The following CEACAM18 variants were observed in gnomAD, a reference collection of about 807,000 sequenced individuals.
CEACAM18 encodes the protein CEA cell adhesion molecule 18.
A neutral mutation model predicts 34.3 loss-of-function variants in CEACAM18; 33 were observed. The ratio of observed to expected loss-of-function variants is 0.96; its 90% CI spans 0.73 to 1.29. The LOEUF (loss-of-function observed/expected upper bound fraction) is 1.29. Ranked by LOEUF, CEACAM18 falls within the 50% of genes most tolerant of loss-of-function variation. CEACAM18 has a pLI of 0.00. For synonymous variants in CEACAM18, 169 were observed against 180.9 expected, an observed-to-expected ratio of 0.93 and a Z score of 0.53; for missense variants, 474 against 485.0, an observed-to-expected ratio of 0.98 and a Z score of 0.21.
chr19:51,480,085 T>A (rs1989883192), intron 1 of CEACAM18, among the ~76,000 whole-genome samples: 1 of 151,964 alleles, frequency 6.6e-6, no homozygotes, highest in Non-Finnish European at 1.5e-5. Flanking sequence ...GATGTGAGGA[T>A]GGATTGGAGG....
In CEACAM18 at chr19:51,478,708, G is replaced by A. The variant is rs369131341; in HGVS notation, c.52+14G>A. On this transcript the variant is annotated intron_variant, in intron 1 of 5. Coordinates refer to ENST00000396477, the Ensembl canonical transcript of CEACAM18. The stretch of plus-strand genomic sequence containing the variant: ...TCTTCCTCATGGGTAAGAGATGCTG[G>A]ATGCTGGATGAGCTTCCCAGGACTG... 138 of 1,433,484 alleles carry A rather than the reference G, an allele frequency of 9.6e-5. No individual in the cohort carries two copies. In the South Asian group the frequency reaches 2.0e-3, roughly 20 times the overall value. 88.8% of individuals were successfully genotyped at this position (1,433,484 alleles called of 1,614,324 possible).
At chr19:51,482,013 C>A (rs531451485) in intron 3 of CEACAM18, among the ~76,000 whole-genome samples, 1 of 152,162 alleles carries the variant, frequency 6.6e-6, no homozygotes, top group African/African-American at 2.4e-5. Context: ...AGTTTTCAAG[C>A]CCCTTGAGCC....
exon 6 of CEACAM18, chr19:51,490,824 T>G (rs113018408): frequency 5.0e-6 from 2 of 397,224 alleles, no homozygotes; most frequent in Admixed American, 8.9e-5. Context: ...GACCTGAAGA[T>G]GATGTCGTGG....
exon 4 of CEACAM18, chr19:51,483,039 G>A (rs2122184986): frequency 1.2e-6 from 2 of 1,614,028 alleles, no homozygotes; most frequent in South Asian, 2.2e-5. Context: ...ATGTGCTGCT[G>A]AGGAGCAATC....
At chr19:51,490,143 C>A (rs944657227) in intron 5 of CEACAM18, among the ~76,000 whole-genome samples, 2 of 152,146 alleles carry the variant, frequency 1.3e-5, no homozygotes, top group Non-Finnish European at 2.9e-5. Context: ...CCTCTCTGGA[C>A]CCTCATTTCT....
chr19:51,478,703 T>C lies in CEACAM18; in HGVS notation c.52+9T>C, dbSNP rs757733079. On this transcript the variant is annotated intron_variant, in intron 1 of 5. Coordinates refer to ENST00000396477, the Ensembl canonical transcript of CEACAM18. ...GAGGGTCTTCCTCATGGGTAAGAGA[T>C]GCTGGATGCTGGATGAGCTTCCCAG... The C allele has an allele frequency of 1.7e-5, 25 of 1,433,832 alleles. No homozygotes were observed. Among genetic ancestry groups the C allele is most frequent in the Admixed American group, 2.6e-5 (1 of 38,676 alleles). The allele number at this position is 1,433,832 out of a possible 1,614,324, so 88.8% of individuals were successfully genotyped here.
intron 1 of CEACAM18, among the ~76,000 whole-genome samples, chr19:51,478,942 G>GCA (rs1568522541): frequency 2.0e-5 from 2 of 98,496 alleles, no homozygotes; most frequent in African/African-American, 7.8e-5. Flanking sequence ...ACACACACAC[G>GCA]CACACGCACA....
intron 5 of CEACAM18, among the ~76,000 whole-genome samples, chr19:51,485,955 T>C (rs893822611): frequency 1.3e-5 from 2 of 152,046 alleles, no homozygotes; most frequent in African/African-American, 4.8e-5. Flanking sequence ...TGGTTGAGAG[T>C]CAGTGGAGTA....
intron 5 of CEACAM18, 48 bp downstream of exon 5, chr19:51,485,170 G>C: frequency 1.4e-6 from 2 of 1,451,476 alleles, no homozygotes; most frequent in South Asian, 2.8e-5. Flanking sequence ...CTGGGGGCTG[G>C]GACTCAGGAG....
intron 1 of CEACAM18, 118 bp downstream of exon 1, chr19:51,478,812 A>C: frequency 3.0e-6 from 2 of 677,290 alleles, no homozygotes; most frequent in Non-Finnish European, 4.4e-6. Flanking sequence ...AGAAACTCCC[A>C]GAGCAGGGGT....
rs1989919885 is a variant in CEACAM18, at chr19:51,481,725, A to G, written c.673+60A>G. ...GCTGGTCTCAGGGCTTTCTAGGGAT[A>G]GGAATATGTTAGGACAGGCTGAGCT... On this transcript the variant is annotated intron_variant, in intron 3 of 5. Transcript: ENST00000396477. The G allele has an allele frequency of 3.2e-6, 5 of 1,541,104 alleles. No homozygotes were observed. In the African/African-American group the frequency reaches 4.1e-5, roughly 13 times the overall value.
rs186832952 is a variant in CEACAM18, at chr19:51,480,410, C to T, written c.130C>T (p.Arg44Trp). The change falls in exon 2 of 6, where the codon CGG becomes TGG. Residue 44 changes from arginine to tryptophan, a missense_variant. Coordinates refer to ENST00000396477, the Ensembl canonical transcript of CEACAM18. ...CCAAACCCTGGGGATCAAGGGATATCGGACTGTCGTGGCCCTGGATAAGGT... is the reference window on the plus strand; with the variant it reads ...CCAAACCCTGGGGATCAAGGGATATTGGACTGTCGTGGCCCTGGATAAGGT... 1.4e-5 allele frequency: 23 copies of T among 1,613,116 alleles called. 1 individual carries two copies. In the South Asian group the frequency reaches 1.9e-4, roughly 13 times the overall value.
chr19:51,481,581 C>A (rs773915525), exon 3 of CEACAM18: 1 of 1,613,840 alleles, frequency 6.2e-7, no homozygotes, highest in African/African-American at 1.3e-5. Context: ...CAGGGTCAGC[C>A]GCTATGACAG....
At chr19:51,481,809 T>G (rs558580694) in intron 3 of CEACAM18, 144 bp downstream of exon 3, 1 of 847,960 alleles carries the variant, frequency 1.2e-6, no homozygotes, top group Non-Finnish European at 1.8e-6. Flanking sequence ...TGGAATCAGC[T>G]CAGGCTCTTG....
intron 1 of CEACAM18, 102 bp from the exon 2 acceptor site, chr19:51,480,231 C>T: frequency 1.0e-6 from 1 of 969,800 alleles, no homozygotes. Flanking sequence ...TCACCAGCGT[C>T]TCTGGGAATC....
At chr19:51,487,636 G>A (rs376857237) in intron 5 of CEACAM18, among the ~76,000 whole-genome samples, 2 of 151,992 alleles carry the variant, frequency 1.3e-5, no homozygotes, top group Non-Finnish European at 2.9e-5. Context: ...TGTGATGGCA[G>A]TCACCTGTAA....
chr19:51,484,984 C>T lies in CEACAM18; in HGVS notation c.954-3C>T, dbSNP rs1013021830. ...CTGACCCCCAGGTGTCCTCTTCCTT[C>T]AGGGATCTTACCTGTTGTCCACAGA... On this transcript the variant is annotated splice_region_variant and splice_polypyrimidine_tract_variant and intron_variant, in intron 4 of 5. Coordinates refer to ENST00000396477, the Ensembl canonical transcript of CEACAM18. 5.2e-6 allele frequency: 8 copies of T among 1,536,012 alleles called. No individual in the cohort carries two copies. Among genetic ancestry groups the T allele is most frequent in the Non-Finnish European group, 7.0e-6 (8 of 1,146,904 alleles).
chr19:51,481,363 T>C, intron 2 of CEACAM18, 30 bp from the exon 3 acceptor site: 1 of 1,605,426 alleles, frequency 6.2e-7, no homozygotes, highest in Non-Finnish European at 8.5e-7. Flanking sequence ...ACCCCACTTG[T>C]AATTTTTTTC....
chr19:51,490,257 A>T (rs1393917903), intron 5 of CEACAM18, among the ~76,000 whole-genome samples: 1 of 152,214 alleles, frequency 6.6e-6, no homozygotes, highest in East Asian at 1.9e-4. Flanking sequence ...GGTATGAAGT[A>T]AATTACTGTT....
Sources: allele counts gnomAD v4.1 joint callset (sites outside exome capture counted in the v4.1 genomes callset), GRCh38; gene constraint gnomAD v4.1.1; transcripts MANE v1.5; gene names NCBI Gene and HGNC (gene_info 2026-07-23, HGNC 2026-07-21).